SH3RF1: variants seen among roughly 807,000 people sequenced by gnomAD.
SH3RF1 encodes the protein SH3 domain containing ring finger 1.
Under a neutral mutation model 74.0 loss-of-function variants are expected in SH3RF1, and 32 were observed. The observed-to-expected ratio is 0.43, with a 90% confidence interval of 0.33 to 0.58. The LOEUF (loss-of-function observed/expected upper bound fraction) is 0.58, where lower values mean the gene tolerates loss of function less well. Ranked by LOEUF, SH3RF1 falls within the 20% of genes least tolerant of loss-of-function variation. The pLI is 0.05. For synonymous variants in SH3RF1, 396 were observed against 439.6 expected (o/e 0.90, Z 1.24); for missense variants, 954 against 1,130.9 (o/e 0.84, Z 2.24).
intron 2 of SH3RF1, among the ~76,000 whole-genome samples, chr4:169,231,330 G>C (rs1184776504): frequency 6.6e-6 from 1 of 152,150 alleles, no homozygotes; most frequent in African/African-American, 2.4e-5. Context: ...CACTTTGGGG[G>C]GCCAAGGCAG....
intron 2 of SH3RF1, among the ~76,000 whole-genome samples, chr4:169,225,060 C>T (rs1419584326): frequency 6.6e-6 from 1 of 152,074 alleles, no homozygotes; most frequent in South Asian, 2.1e-4. Context: ...TTACCACATG[C>T]CTGGGAGTAA....
chr4:169,097,207 G>A (rs1732946322), intron 11 of SH3RF1, among the ~76,000 whole-genome samples: 1 of 152,188 alleles, frequency 6.6e-6, no homozygotes, highest in Non-Finnish European at 1.5e-5. Context: ...GTCTGTCTCT[G>A]TGTCCCTACG....
chr4:169,185,831 C>T lies in SH3RF1; in HGVS notation c.394-29152G>A, dbSNP rs766195750. On this transcript the variant is annotated intron_variant, in intron 2 of 11. Coordinates refer to ENST00000284637, the MANE Select transcript of SH3RF1 (RefSeq NM_020870.4). ...TTTCTCTGCTTGAGGCAATGAGATC[C>T]GAGAGGGGGCAGCAATCATGGGTGG... is the stretch of plus-strand genomic sequence containing the variant. Among the ~76,000 whole-genome samples the T allele has an allele frequency of 3.9e-5, 6 of 152,216 alleles. No homozygotes were observed. In the East Asian group the frequency reaches 7.7e-4, roughly 20 times the overall value.
intron 2 of SH3RF1, among the ~76,000 whole-genome samples, chr4:169,228,484 C>T (rs916886050): frequency 1.3e-5 from 2 of 152,164 alleles, no homozygotes; most frequent in African/African-American, 4.8e-5. Context: ...CCCCTTCCTC[C>T]ATCTTCAACA....
intron 2 of SH3RF1, among the ~76,000 whole-genome samples, chr4:169,222,518 T>TAC (rs908581007): frequency 1.3e-5 from 2 of 149,124 alleles, no homozygotes; most frequent in African/African-American, 2.4e-5. Flanking sequence ...TATTTATATA[T>TAC]ATATATAAAT....
intron 2 of SH3RF1, among the ~76,000 whole-genome samples, chr4:169,201,425 C>G (rs1734907137): frequency 6.6e-6 from 1 of 152,184 alleles, no homozygotes; most frequent in African/African-American, 2.4e-5. Context: ...CACATAGGCA[C>G]ACATGGGAAT....
In SH3RF1 at chr4:169,233,248, CAAAAA is replaced by C. The variant is rs372381759; in HGVS notation, c.393+35567_393+35571del. Among the ~76,000 whole-genome samples, 8 of 65,586 alleles carry C rather than the reference CAAAAA, an allele frequency of 1.2e-4. No homozygotes were observed. In the South Asian group the frequency reaches 3.0e-3, roughly 24 times the overall value. The allele number at this position is 65,586 out of a possible 152,430, so 43.0% of individuals were successfully genotyped here. The stretch of plus-strand genomic sequence containing the variant: ...TGGGCAACAGAGCAAGACTCCATCT[CAAAAA>C]AAAAAAAAAAAAAAAAAAAACCGTG... On this transcript the variant is annotated intron_variant, in intron 2 of 11. Transcript: ENST00000284637.
At chr4:169,267,705 G>A (rs1458412375) in intron 2 of SH3RF1, among the ~76,000 whole-genome samples, 1 of 152,168 alleles carries the variant, frequency 6.6e-6, no homozygotes, top group Non-Finnish European at 1.5e-5. Context: ...GCCTGAGAAA[G>A]TAGTAGGAAA....
intron 2 of SH3RF1, among the ~76,000 whole-genome samples, chr4:169,238,447 T>A (rs1730853048): frequency 6.6e-6 from 1 of 152,240 alleles, no homozygotes; most frequent in Non-Finnish European, 1.5e-5. Flanking sequence ...TTACCATGAA[T>A]CTACAGGATG....
intron 2 of SH3RF1, among the ~76,000 whole-genome samples, chr4:169,223,787 TA>T (rs1020096503): frequency 1.3e-5 from 2 of 152,160 alleles, no homozygotes; most frequent in African/African-American, 4.8e-5. Flanking sequence ...TGGAGATAGG[TA>T]ATCAATAAGA....
intron 9 of SH3RF1, 79 bp from the exon 10 acceptor site, chr4:169,116,709 T>C (rs760047138): frequency 9.5e-5 from 140 of 1,469,960 alleles, no homozygotes; most frequent in Non-Finnish European, 1.2e-4. Flanking sequence ...GTCATTTCAC[T>C]GCATCAGACC....
chr4:169,240,961 T>C (rs1278399633), intron 2 of SH3RF1, among the ~76,000 whole-genome samples: 3 of 152,210 alleles, frequency 2.0e-5, no homozygotes, highest in African/African-American at 7.2e-5. Context: ...CCGGGCGTGG[T>C]GGCTCACGTC....
At chr4:169,126,915 A>T (rs1174379442) in intron 6 of SH3RF1, among the ~76,000 whole-genome samples, 3 of 152,168 alleles carry the variant, frequency 2.0e-5, no homozygotes, top group Non-Finnish European at 2.9e-5. Context: ...TTGGAATGCA[A>T]TCTGTTTATA....
At position 169,095,423 on chromosome 4, in the gene SH3RF1, T is replaced by C. The variant is rs1732899524; in HGVS notation, c.*1096A>G. Reference sequence around the variant, plus strand: ...ATCTTAACAGGAAATCGCAATGAAATATACACACCATGCACAGTCTATATT... The same window carrying C: ...ATCTTAACAGGAAATCGCAATGAAACATACACACCATGCACAGTCTATATT... On this transcript the variant is annotated 3_prime_UTR_variant, in exon 12 of 12. Coordinates refer to ENST00000284637, the MANE Select transcript of SH3RF1 (RefSeq NM_020870.4). 6.6e-6 allele frequency: 1 copy of C among 152,574 alleles called. No homozygotes were observed. Among genetic ancestry groups the C allele is most frequent in the African/African-American group, 2.4e-5 (1 of 41,422 alleles). 9.5% of individuals were successfully genotyped at this position (152,574 alleles called of 1,614,324 possible).
At chr4:169,119,304 T>TTA (rs1733399668) in intron 8 of SH3RF1, among the ~76,000 whole-genome samples, 1 of 143,954 alleles carries the variant, frequency 6.9e-6, no homozygotes, top group Non-Finnish European at 1.5e-5. Context: ...TTTTTTTTTT[T>TTA]AGTAGAGATG....
chr4:169,232,903 T>G (rs1443655148), intron 2 of SH3RF1, among the ~76,000 whole-genome samples: 2 of 152,100 alleles, frequency 1.3e-5, no homozygotes, highest in Non-Finnish European at 2.9e-5. Flanking sequence ...TGATCGGTAG[T>G]GTGAACTGCC....
intron 2 of SH3RF1, among the ~76,000 whole-genome samples, chr4:169,229,476 A>C (rs1262692809): frequency 6.8e-6 from 1 of 146,370 alleles, no homozygotes; most frequent in African/African-American, 2.5e-5. Flanking sequence ...CCCCCCACCC[A>C]AAAAAAAAAC....
chr4:169,144,655 G>A (rs773508798), intron 4 of SH3RF1, among the ~76,000 whole-genome samples: 10 of 152,088 alleles, frequency 6.6e-5, no homozygotes, highest in Non-Finnish European at 1.5e-4. Flanking sequence ...AATGAAGAAG[G>A]CCAGATAGAG....
intron 10 of SH3RF1, among the ~76,000 whole-genome samples, chr4:169,108,057 A>C (rs1733176729): frequency 6.6e-6 from 1 of 152,160 alleles, no homozygotes. Flanking sequence ...TGCTAGGAAA[A>C]TCAGATGTCA....
Sources: gnomAD v4.1 joint callset for allele counts (sites outside exome capture counted in the v4.1 genomes callset) on GRCh38, gnomAD v4.1.1 for gene constraint, MANE v1.5 for transcripts, NCBI Gene and HGNC (gene_info 2026-07-23, HGNC 2026-07-21) for gene names.